Variants in IMMP2L observed in about 807,000 individuals in gnomAD.
The protein encoded by IMMP2L is mitochondrial inner membrane protease subunit 2.
Under a neutral mutation model 19.3 loss-of-function variants are expected in IMMP2L, and 18 were observed. That is an observed-to-expected ratio of 0.93 (90% CI 0.64 to 1.38). The LOEUF (loss-of-function observed/expected upper bound fraction) is 1.38, where lower values mean the gene tolerates loss of function less well. IMMP2L is among the 40% of genes most tolerant of loss of function. The probability of loss-of-function intolerance (pLI) is 0.00; values close to 1 mark genes in which losing one functional copy is unlikely to be tolerated. For missense variants in IMMP2L, 233 were observed against 218.2 expected (o/e 1.07, Z -0.43); for synonymous variants, 76 against 73.0 (o/e 1.04, Z -0.21).
intron 5 of IMMP2L, among the ~76,000 whole-genome samples, chr7:110,804,179 G>A (rs1801454138): frequency 6.6e-6 from 1 of 151,890 alleles, no homozygotes; most frequent in Non-Finnish European, 1.5e-5. Context: ...GATTTGGGTG[G>A]TAAACACTGT....
At chr7:111,322,316 G>A (rs755938098) in intron 3 of IMMP2L, among the ~76,000 whole-genome samples, 61 of 151,804 alleles carry the variant, frequency 4.0e-4, no homozygotes, top group Non-Finnish European at 7.4e-4. Flanking sequence ...TATTGAGGTC[G>A]AATTGACCCC....
intron 5 of IMMP2L, among the ~76,000 whole-genome samples, chr7:110,852,017 C>T (rs1359238392): frequency 6.6e-6 from 1 of 152,044 alleles, no homozygotes; most frequent in Non-Finnish European, 1.5e-5. Flanking sequence ...ACTGCTGAGG[C>T]TGTAATACAA....
At chr7:111,334,188 T>C (rs1481444418) in intron 3 of IMMP2L, among the ~76,000 whole-genome samples, 1 of 151,872 alleles carries the variant, frequency 6.6e-6, no homozygotes, top group African/African-American at 2.4e-5. Context: ...ATATTATATA[T>C]ATATATATTT....
In IMMP2L at chr7:111,478,433, C is replaced by T. The variant is rs573894858; in HGVS notation, c.239+8805G>A. 3.5e-4 allele frequency among the ~76,000 whole-genome samples: 53 copies of T among 152,022 alleles called. No homozygotes were observed. In the South Asian group the frequency reaches 0.01, roughly 29 times the overall value. On this transcript the variant is annotated intron_variant, in intron 3 of 5. Transcript: ENST00000405709. ...TGGAGAGAGGGTCTTACTCTGTCACCCAGGCTGGAATGCAGTGGTTAGACC... is the reference window on the plus strand; with the variant it reads ...TGGAGAGAGGGTCTTACTCTGTCACTCAGGCTGGAATGCAGTGGTTAGACC...
intron 4 of IMMP2L, among the ~76,000 whole-genome samples, chr7:110,897,148 T>C (rs1367385565): frequency 6.6e-6 from 1 of 152,116 alleles, no homozygotes; most frequent in Non-Finnish European, 1.5e-5. Flanking sequence ...AAGCAAAAGG[T>C]ATGCTGTAAA....
intron 5 of IMMP2L, among the ~76,000 whole-genome samples, chr7:110,884,963 C>A (rs1347447989): frequency 6.6e-6 from 1 of 151,892 alleles, no homozygotes; most frequent in Non-Finnish European, 1.5e-5. Flanking sequence ...AAAGATGAGT[C>A]AAAGTGGCTG....
At chr7:111,114,702 T>G (rs1217674359) in intron 3 of IMMP2L, among the ~76,000 whole-genome samples, 1 of 141,896 alleles carries the variant, frequency 7.0e-6, no homozygotes, top group African/African-American at 2.7e-5. Flanking sequence ...ATCGCACCAC[T>G]GCCCTCTAGC....
intron 3 of IMMP2L, among the ~76,000 whole-genome samples, chr7:110,981,265 T>G (rs142248282): frequency 1.1e-4 from 17 of 151,540 alleles, no homozygotes; most frequent in African/African-American, 3.6e-4. Flanking sequence ...TATCTGAAAA[T>G]AAAAAAAGAA....
chr7:110,937,246 A>G (rs990659009), intron 4 of IMMP2L, among the ~76,000 whole-genome samples: 1 of 152,148 alleles, frequency 6.6e-6, no homozygotes, highest in Non-Finnish European at 1.5e-5. Context: ...AAAGCCAAAA[A>G]TAAAAGTGCA....
chr7:110,776,922 C>G (rs1799428950), intron 5 of IMMP2L, among the ~76,000 whole-genome samples: 1 of 151,890 alleles, frequency 6.6e-6, no homozygotes, highest in African/African-American at 2.4e-5. Context: ...TTTGTCTTCC[C>G]CACTGATTTT....
chr7:110,814,366 G>A (rs1007906738), intron 5 of IMMP2L, among the ~76,000 whole-genome samples: 12 of 151,118 alleles, frequency 7.9e-5, no homozygotes, highest in South Asian at 6.2e-4. Flanking sequence ...AATAGCTGAA[G>A]AGCATTGTTC....
At chr7:111,416,504 C>A (rs1834967638) in intron 3 of IMMP2L, among the ~76,000 whole-genome samples, 1 of 151,794 alleles carries the variant, frequency 6.6e-6, no homozygotes, top group Non-Finnish European at 1.5e-5. Context: ...AGCATGTCAA[C>A]CAAATAATCC....
intron 5 of IMMP2L, chr7:110,724,090 C>A (rs565868574): frequency 1.3e-5 from 2 of 152,256 alleles, no homozygotes; most frequent in South Asian, 4.1e-4. Context: ...TACCAACAAC[C>A]TCTCAAAATA....
At chr7:110,683,152 T>C (rs1339381209) in intron 5 of IMMP2L, among the ~76,000 whole-genome samples, 1 of 152,120 alleles carries the variant, frequency 6.6e-6, no homozygotes, top group East Asian at 1.9e-4. Flanking sequence ...AAGTTCTAGA[T>C]AATACCTCTT....
At chr7:111,241,288 G>A (rs918986854) in intron 3 of IMMP2L, among the ~76,000 whole-genome samples, 1 of 151,836 alleles carries the variant, frequency 6.6e-6, no homozygotes, top group Non-Finnish European at 1.5e-5. Context: ...AGTTAAAATA[G>A]ATCTTTACCC....
chr7:111,427,006 G>C (rs1836143626), intron 3 of IMMP2L, among the ~76,000 whole-genome samples: 1 of 151,118 alleles, frequency 6.6e-6, no homozygotes, highest in African/African-American at 2.4e-5. Context: ...CTAACTCATA[G>C]TCTCATTGCA....
rs1016854947 is a variant in IMMP2L, at chr7:110,663,127, C to A, written c.*475G>T. ...GGCAGTTACTCCTTTGTAGATAGTACAAATCACAATGTAATTCCCATCATT... is the reference window on the plus strand; with the variant it reads ...GGCAGTTACTCCTTTGTAGATAGTAAAAATCACAATGTAATTCCCATCATT... On this transcript the variant is annotated 3_prime_UTR_variant, in exon 6 of 6. Coordinates refer to ENST00000405709, the MANE Select transcript of IMMP2L (RefSeq NM_032549.4). The A allele has an allele frequency of 6.1e-6, 1 of 162,800 alleles. No homozygotes were observed. Among genetic ancestry groups the A allele is most frequent in the Non-Finnish European group, 1.3e-5 (1 of 74,664 alleles). The allele number at this position is 162,800 out of a possible 1,614,324, so 10.1% of individuals were successfully genotyped here. A position where few individuals can be genotyped will look rare whatever the true frequency, so the allele number is the denominator to read the frequency against.
intron 4 of IMMP2L, among the ~76,000 whole-genome samples, chr7:110,900,172 C>A (rs762036957): frequency 6.6e-6 from 1 of 152,108 alleles, no homozygotes; most frequent in African/African-American, 2.4e-5. Context: ...TAAAGTGAAT[C>A]GTTGAAAGAT....
At chr7:110,975,663 T>C (rs1227925704) in intron 3 of IMMP2L, among the ~76,000 whole-genome samples, 1 of 152,124 alleles carries the variant, frequency 6.6e-6, no homozygotes, top group East Asian at 1.9e-4. Context: ...AATGACCTAG[T>C]GTCATATCAC....
Sources: gnomAD v4.1 joint callset for allele counts (sites outside exome capture counted in the v4.1 genomes callset) on GRCh38, gnomAD v4.1.1 for gene constraint, MANE v1.5 for transcripts, NCBI Gene and HGNC (gene_info 2026-07-23, HGNC 2026-07-21) for gene names.